HERC3: variants seen among roughly 807,000 people sequenced by gnomAD.
HERC3 encodes the protein HECT and RLD domain containing E3 ubiquitin protein ligase 3.
HERC3 carries 58 observed loss-of-function variants against 129.9 expected under a neutral mutation model. That is an observed-to-expected ratio of 0.45 (90% CI 0.36 to 0.56). The LOEUF (loss-of-function observed/expected upper bound fraction) is 0.56, where lower values mean the gene tolerates loss of function less well. Ranked by LOEUF, HERC3 falls within the 20% of genes least tolerant of loss-of-function variation. The pLI is 0.00. For missense variants in HERC3, 835 were observed against 1,244.2 expected (o/e 0.67, Z 4.95); for synonymous variants, 430 against 451.0 (o/e 0.95, Z 0.59).
intron 3 of HERC3, among the ~76,000 whole-genome samples, chr4:88,608,935 G>A (rs1184189392): frequency 6.6e-6 from 1 of 152,072 alleles, no homozygotes; most frequent in Non-Finnish European, 1.5e-5. Flanking sequence ...GAGACAGCAA[G>A]GTTATGGTGA....
At position 88,680,293 on chromosome 4, in the gene HERC3, G is replaced by C. The variant is rs1732627317; in HGVS notation, c.2340+57G>C. ...GATTAAATTAAACTTTCTTTTTGTT[G>C]TCAGACCAATCCCCTAACTTCTAAC... On this transcript the variant is annotated intron_variant, in intron 20 of 25. Coordinates refer to ENST00000402738, the MANE Select transcript of HERC3 (RefSeq NM_014606.3). 2.2e-6 allele frequency: 3 copies of C among 1,378,242 alleles called. No homozygotes were observed. The African/African-American group carries it at 4.4e-5, about 20-fold the overall frequency. 85.4% of individuals were successfully genotyped at this position (1,378,242 alleles called of 1,614,324 possible).
At chr4:88,680,454 C>G (rs1197575937) in intron 20 of HERC3, among the ~76,000 whole-genome samples, 1 of 152,160 alleles carries the variant, frequency 6.6e-6, no homozygotes, top group Non-Finnish European at 1.5e-5. Flanking sequence ...ATTTCCATTT[C>G]TAGTAGGTAA....
chr4:88,605,661 T>G, intron 2 of HERC3, 134 bp from the exon 3 acceptor site: 1 of 555,528 alleles, frequency 1.8e-6, no homozygotes, highest in Non-Finnish European at 3.2e-6. Flanking sequence ...ATTAATATGT[T>G]TTATTTTGAG....
At chr4:88,697,087 T>A in intron 23 of HERC3, 2 of 956,552 alleles carry the variant, frequency 2.1e-6, no homozygotes. Flanking sequence ...AATGTCAGAA[T>A]AAATTCACAT....
chr4:88,629,425 T>C (rs1419094706), intron 3 of HERC3, among the ~76,000 whole-genome samples: 4 of 152,334 alleles, frequency 2.6e-5, no homozygotes, highest in African/African-American at 9.6e-5. Flanking sequence ...TAATTTTCTG[T>C]GATGGTCATA....
At chr4:88,612,684 A>G (rs958268972) in intron 3 of HERC3, among the ~76,000 whole-genome samples, 8 of 152,140 alleles carry the variant, frequency 5.3e-5, no homozygotes, top group African/African-American at 1.9e-4. Context: ...GATTGGAGTC[A>G]TCATAGGGTT....
intron 3 of HERC3, among the ~76,000 whole-genome samples, chr4:88,644,497 C>T (rs1728484006): frequency 6.6e-6 from 1 of 152,076 alleles, no homozygotes; most frequent in Non-Finnish European, 1.5e-5. Flanking sequence ...TAAAACAATC[C>T]AGTTTCAAAG....
chr4:88,670,670 G>A (rs1471826794), intron 16 of HERC3, among the ~76,000 whole-genome samples: 1 of 151,840 alleles, frequency 6.6e-6, no homozygotes. Context: ...TGCTGAAAGT[G>A]TACACTTAAA....
At chr4:88,639,379 A>C (rs1727819346) in intron 3 of HERC3, among the ~76,000 whole-genome samples, 1 of 152,260 alleles carries the variant, frequency 6.6e-6, no homozygotes, top group East Asian at 1.9e-4. Context: ...GCATGGTACT[A>C]GTACCAAAAC....
chr4:88,650,804 C>T (rs1448777157), intron 4 of HERC3, among the ~76,000 whole-genome samples: 1 of 152,178 alleles, frequency 6.6e-6, no homozygotes, highest in Non-Finnish European at 1.5e-5. Flanking sequence ...TTTAGCATCA[C>T]CATTGCTAGG....
At chr4:88,564,548 CT>C in the HERC3 span, among the ~76,000 whole-genome samples, 1 of 152,106 alleles carries the variant, frequency 6.6e-6, no homozygotes, top group African/African-American at 2.4e-5. Context: ...AAAGCAGTCT[CT>C]AATGATCCTT....
At chr4:88,700,179 C>T (rs1735197664) in intron 23 of HERC3, among the ~76,000 whole-genome samples, 1 of 150,774 alleles carries the variant, frequency 6.6e-6, no homozygotes, top group African/African-American at 2.4e-5. Context: ...TTTTATTTTA[C>T]TTTTTATTAT....
chr4:88,537,019 C>T, the HERC3 span, among the ~76,000 whole-genome samples: 6 of 152,176 alleles, frequency 3.9e-5, no homozygotes, highest in Admixed American at 3.9e-4. Flanking sequence ...AAAAAACTGA[C>T]AGCAACTTGC....
chr4:88,676,546 C>G, intron 18 of HERC3, 123 bp downstream of exon 18: 2 of 693,402 alleles, frequency 2.9e-6, no homozygotes, highest in Admixed American at 5.4e-5. Context: ...ATTCTTAAAA[C>G]TGTTTGAAAC....
chr4:88,638,658 G>A lies in HERC3; in HGVS notation c.227-11182G>A, dbSNP rs553870308. ...CGTACTGAATAGGCAAAAGCTGGAA[G>A]CATTCCCTTTGAAAACTGGCACAAG... On this transcript the variant is annotated intron_variant, in intron 3 of 25. Transcript: ENST00000402738. Among the ~76,000 whole-genome samples, 4 of 152,270 alleles carry A rather than the reference G, an allele frequency of 2.6e-5. No individual in the cohort carries two copies. The East Asian group carries it at 7.7e-4, about 29-fold the overall frequency.
intron 3 of HERC3, among the ~76,000 whole-genome samples, chr4:88,610,309 C>T (rs1252691480): frequency 1.3e-5 from 2 of 151,888 alleles, no homozygotes; most frequent in African/African-American, 2.4e-5. Context: ...AAAAATTAGC[C>T]GGGCATGGTG....
At chr4:88,550,932 C>G in the HERC3 span, among the ~76,000 whole-genome samples, 2 of 151,068 alleles carry the variant, frequency 1.3e-5, no homozygotes, top group Non-Finnish European at 1.5e-5. Flanking sequence ...GGTACCAAAA[C>G]AGAGATATAG....
chr4:88,650,024 C>G lies in HERC3; in HGVS notation c.386+25C>G, dbSNP rs372625200. On this transcript the variant is annotated intron_variant, in intron 4 of 25. Coordinates refer to ENST00000402738, the MANE Select transcript of HERC3 (RefSeq NM_014606.3). Reference sequence around the variant, plus strand: ...GGTAAGAAGGTTTTCAAATGTCAGTCGTTTTAAATGCTATTTCCTGCTGTT... The same window carrying G: ...GGTAAGAAGGTTTTCAAATGTCAGTGGTTTTAAATGCTATTTCCTGCTGTT... 3 of 1,597,954 alleles carry G rather than the reference C, an allele frequency of 1.9e-6. No homozygotes were observed. In the African/African-American group the frequency reaches 4.0e-5, roughly 21 times the overall value.
chr4:88,547,469 C>T, the HERC3 span, among the ~76,000 whole-genome samples: 2 of 152,096 alleles, frequency 1.3e-5, no homozygotes, highest in South Asian at 2.1e-4. Context: ...TTTTCATTAT[C>T]GCAGAAAGGG....
Sources: gnomAD v4.1 joint callset for allele counts (sites outside exome capture counted in the v4.1 genomes callset) on GRCh38, gnomAD v4.1.1 for gene constraint, MANE v1.5 for transcripts, NCBI Gene and HGNC (gene_info 2026-07-23, HGNC 2026-07-21) for gene names.